The following RP1 variants were observed in gnomAD, a reference collection of about 807,000 sequenced individuals.
The protein encoded by RP1 is oxygen-regulated protein 1.
RP1 carries 16 observed loss-of-function variants against 14.8 expected under a neutral mutation model. That is an observed-to-expected ratio of 1.08 (90% confidence interval 0.73 to 1.65). The LOEUF (loss-of-function observed/expected upper bound fraction) is 1.65. RP1 is among the 40% of genes most tolerant of loss of function. The pLI, the probability that RP1 is intolerant of heterozygous loss-of-function variation, is 0.00. For missense variants in RP1, 2,631 were observed against 2,535.0 expected (o/e 1.04, Z -0.81); for synonymous variants, 876 against 883.6 (o/e 0.99, Z 0.15).
chr8:54,716,509 T>C (rs560615645), intron 15 of RP1, among the ~76,000 whole-genome samples: 1 of 152,282 alleles, frequency 6.6e-6, no homozygotes, highest in East Asian at 1.9e-4. Flanking sequence ...TGTCCCTGAA[T>C]GTGGATATAC....
At chr8:54,642,699 G>T (rs1040788483) in intron 3 of RP1, among the ~76,000 whole-genome samples, 1 of 152,052 alleles carries the variant, frequency 6.6e-6, no homozygotes, top group Non-Finnish European at 1.5e-5. Flanking sequence ...ATAGTTTGGC[G>T]TCGTTCTGAG....
Position 54,628,859 on chromosome 8 carries a change from T to C in RP1, c.4977T>C (p.Tyr1659=), listed in dbSNP as rs1806161306. 2 of 1,614,078 alleles carry C rather than the reference T, an allele frequency of 1.2e-6. No individual in the cohort carries two copies. Among genetic ancestry groups the C allele is most frequent in the Non-Finnish European group, 1.7e-6 (2 of 1,180,004 alleles). ...CCCGCAAATCTCAGGTTTGTCCTTA[T>C]AATTCTGTGGAATTTCAGTGTTCCA... is the stretch of plus-strand genomic sequence containing the variant. ...GSTRKSQVCP[Y]NSVEFQCSRK... is the part of the protein sequence containing the mutation. The change falls in exon 4 of 4, where the codon TAT becomes TAC. Residue 1659 remains tyrosine (Y), a synonymous_variant. Transcript: ENST00000220676.
At chr8:54,820,675 G>A (rs951262696) in intron 24 of RP1, among the ~76,000 whole-genome samples, 2 of 152,198 alleles carry the variant, frequency 1.3e-5, no homozygotes, top group African/African-American at 4.8e-5. Flanking sequence ...GGCAGTGCAA[G>A]ATTGTCTTTT....
chr8:54,626,271 CAA>C lies in RP1; in HGVS notation c.2391_2392del (p.Asp799Ter), dbSNP rs1228558469. 1 of 1,613,098 alleles carries C rather than the reference CAA, an allele frequency of 6.2e-7. No homozygotes were observed. The highest frequency in any genetic ancestry group is 8.5e-7 in the Non-Finnish European group (1 of 1,179,610). On this transcript the variant is annotated frameshift_variant, in exon 4 of 4. Transcript: ENST00000220676. LOFTEE classifies it low-confidence loss of function (END_TRUNC). ...AGCACCTAAAAAAAGAGAAATCGGT[CAA>C]AGAGATAAAGTGTTTCCTCACAATG... ...LGAPKKREIG[Q>X]RDKVFPHNES...
intron 12 of RP1, among the ~76,000 whole-genome samples, chr8:54,692,680 T>C (rs1807743734): frequency 7.0e-6 from 1 of 142,370 alleles, no homozygotes; most frequent in Non-Finnish European, 1.5e-5. Context: ...TTTTTTCTTG[T>C]AAATTTGTTT....
At chr8:54,829,660 C>G (rs937142241) in intron 24 of RP1, among the ~76,000 whole-genome samples, 2 of 136,068 alleles carry the variant, frequency 1.5e-5, no homozygotes, top group Non-Finnish European at 3.4e-5. Flanking sequence ...TATCTATGAT[C>G]ATTCCAAAAA....
chr8:54,695,888 T>A (rs1807848305), intron 12 of RP1, among the ~76,000 whole-genome samples: 1 of 152,188 alleles, frequency 6.6e-6, no homozygotes, highest in Non-Finnish European at 1.5e-5. Flanking sequence ...GTCTTAAACA[T>A]TAAGATGCAT....
At chr8:54,697,250 G>A (rs2129341898) in intron 12 of RP1, 1 of 599,790 alleles carries the variant, frequency 1.7e-6, no homozygotes. Flanking sequence ...TGGAAAGGAA[G>A]GGTCAAAAAA....
chr8:54,581,292 G>C (rs1804786828), intron 1 of RP1, among the ~76,000 whole-genome samples: 1 of 152,112 alleles, frequency 6.6e-6, no homozygotes, highest in Non-Finnish European at 1.5e-5. Flanking sequence ...TGCTGAGAAT[G>C]ATGGTTTCTA....
chr8:54,682,480 A>G (rs923003149), intron 12 of RP1, among the ~76,000 whole-genome samples: 8 of 152,110 alleles, frequency 5.3e-5, no homozygotes, highest in Non-Finnish European at 8.8e-5. Context: ...TACCCACAGG[A>G]ATATAAATCA....
intron 3 of RP1, 121 bp downstream of exon 3, chr8:54,622,409 A>C: frequency 1.3e-6 from 1 of 798,286 alleles, no homozygotes; most frequent in Non-Finnish European, 2.1e-6. Context: ...AAAGGAGAGG[A>C]TTTAAAAACA....
At chr8:54,831,077 A>G (rs924661602) in intron 24 of RP1, among the ~76,000 whole-genome samples, 7 of 152,144 alleles carry the variant, frequency 4.6e-5, no homozygotes, top group Middle Eastern at 3.4e-3. Flanking sequence ...TTGTTTGTAT[A>G]TATCACAATA....
At chr8:54,738,909 C>A in intron 18 of RP1, 1 of 1,329,148 alleles carries the variant, frequency 7.5e-7, no homozygotes, top group South Asian at 1.6e-5. Context: ...TTAAAAAATT[C>A]TGATAATTTT....
Position 54,630,446 on chromosome 8 carries a change from T to C in RP1, c.*93T>C. On this transcript the variant is annotated 3_prime_UTR_variant, in exon 4 of 4. Transcript: ENST00000220676. ...ATACGGACTAGATAACCTCTAAGAATTTTCCACTTCTTCAAAATGAACTTA... is the reference window on the plus strand; with the variant it reads ...ATACGGACTAGATAACCTCTAAGAACTTTCCACTTCTTCAAAATGAACTTA... The C allele has an allele frequency of 1.9e-6, 3 of 1,549,886 alleles. No individual in the cohort carries two copies.
intron 1 of RP1, among the ~76,000 whole-genome samples, chr8:54,590,135 T>C (rs1805015168): frequency 6.6e-6 from 1 of 152,208 alleles, no homozygotes; most frequent in South Asian, 2.1e-4. Flanking sequence ...CCATTCAGCA[T>C]TATCCCTTCC....
chr8:54,691,829 A>C (rs1016483470), intron 12 of RP1, among the ~76,000 whole-genome samples: 2 of 151,834 alleles, frequency 1.3e-5, no homozygotes, highest in Non-Finnish European at 2.9e-5. Context: ...TTTTATTATT[A>C]TTATACTTTA....
intron 27 of RP1, among the ~76,000 whole-genome samples, chr8:54,863,574 G>A (rs908979859): frequency 2.0e-5 from 3 of 152,004 alleles, no homozygotes; most frequent in Admixed American, 1.3e-4. Context: ...ATTCTTTTCC[G>A]TATGGATCAT....
chr8:54,840,437 G>C (rs1811764976), intron 25 of RP1, among the ~76,000 whole-genome samples: 1 of 151,880 alleles, frequency 6.6e-6, no homozygotes, highest in African/African-American at 2.4e-5. Flanking sequence ...ATTTTTAGTA[G>C]AGATAGGGTT....
In RP1 at chr8:54,869,027, T is replaced by C. The variant is rs565269244; in HGVS notation, c.4152-816T>C. On this transcript the variant is annotated intron_variant, in intron 28 of 28. Transcript: ENST00000637698. ...AATGCTTTCCAAGGAATAGGCTTCATGGTAAAGCCAGAACTGCACACAGAT... is the reference window on the plus strand; with the variant it reads ...AATGCTTTCCAAGGAATAGGCTTCACGGTAAAGCCAGAACTGCACACAGAT... Among the ~76,000 whole-genome samples the C allele has an allele frequency of 7.9e-5, 12 of 152,280 alleles. No homozygotes were observed. The South Asian group carries it at 2.5e-3, about 32-fold the overall frequency.
Sources: gnomAD v4.1 joint callset for allele counts (sites outside exome capture counted in the v4.1 genomes callset) on GRCh38, gnomAD v4.1.1 for gene constraint, MANE v1.5 for transcripts, NCBI Gene and HGNC (gene_info 2026-07-23, HGNC 2026-07-21) for gene names.